Variants in SSH2 observed in about 807,000 individuals in gnomAD.
SSH2 encodes slingshot protein phosphatase 2, also known as protein phosphatase Slingshot homolog 2.
Under a neutral mutation model 135.2 loss-of-function variants are expected in SSH2, and 37 were observed. That is an observed-to-expected ratio of 0.27 (90% CI 0.21 to 0.36). The LOEUF (loss-of-function observed/expected upper bound fraction) is 0.36, where lower values mean the gene tolerates loss of function less well. Among genes scored for constraint, SSH2 ranks in the 10% least tolerant of loss-of-function variants. The pLI is 1.00. For missense variants in SSH2, 1,408 were observed against 1,765.3 expected (o/e 0.80, Z 3.63); for synonymous variants, 628 against 646.2 (o/e 0.97, Z 0.43).
intron 1 of SSH2, among the ~76,000 whole-genome samples, chr17:29,896,755 T>C (rs913723261): frequency 2.0e-5 from 3 of 151,686 alleles, no homozygotes; most frequent in Admixed American, 6.6e-5. Flanking sequence ...TCTCAACCTA[T>C]TTAATATTAC....
At chr17:29,698,033 A>G (rs2038830671) in intron 4 of SSH2, among the ~76,000 whole-genome samples, 1 of 152,254 alleles carries the variant, frequency 6.6e-6, no homozygotes, top group Non-Finnish European at 1.5e-5. Flanking sequence ...ATGTACTGAT[A>G]CATACTATAC....
In SSH2 at chr17:29,855,949, A is replaced by C. The variant is rs2065655072; in HGVS notation, c.64-7020T>G. ...GACAAATGATTGGGAAATAGAAAGGAAGTGGCTACTGCTTGCACTATTTGT... is the reference window on the plus strand; with the variant it reads ...GACAAATGATTGGGAAATAGAAAGGCAGTGGCTACTGCTTGCACTATTTGT... On this transcript the variant is annotated intron_variant, in intron 1 of 15. Transcript: ENST00000540801. 5 of 282,662 alleles carry C rather than the reference A, an allele frequency of 1.8e-5. No individual in the cohort carries two copies. In the South Asian group the frequency reaches 1.8e-4, roughly 10 times the overall value. The allele number at this position is 282,662 out of a possible 1,614,324, so 17.5% of individuals were successfully genotyped here.
chr17:29,782,747 G>A (rs2041867375), intron 3 of SSH2, among the ~76,000 whole-genome samples: 1 of 152,174 alleles, frequency 6.6e-6, no homozygotes, highest in Non-Finnish European at 1.5e-5. Flanking sequence ...CACCACGCCT[G>A]GCTAATTTTT....
At chr17:29,842,452 TCA>T (rs2043059195) in intron 2 of SSH2, among the ~76,000 whole-genome samples, 1 of 100,448 alleles carries the variant, frequency 1.0e-5, no homozygotes, top group African/African-American at 3.4e-5. Context: ...AGACTCAGTG[TCA>T]AAAAAAAAAA....
chr17:29,750,650 G>A (rs1201924057), intron 3 of SSH2, among the ~76,000 whole-genome samples: 1 of 151,538 alleles, frequency 6.6e-6, no homozygotes, highest in Non-Finnish European at 1.5e-5. Context: ...AGCCCCCAGA[G>A]TAGCTGGGAT....
At chr17:29,702,190 T>C (rs2039010448) in intron 4 of SSH2, among the ~76,000 whole-genome samples, 1 of 151,976 alleles carries the variant, frequency 6.6e-6, no homozygotes, top group Admixed American at 6.6e-5. Context: ...CCATCTCTAC[T>C]AAAAACACAA....
intron 10 of SSH2, 52 bp from the exon 11 acceptor site, chr17:29,667,047 T>C: frequency 6.2e-7 from 1 of 1,612,554 alleles, no homozygotes; most frequent in Non-Finnish European, 8.5e-7. Context: ...CTCTGTACTT[T>C]CAACCATGCA....
chr17:29,757,072 T>C (rs1187021963), intron 3 of SSH2, among the ~76,000 whole-genome samples: 3 of 152,300 alleles, frequency 2.0e-5, no homozygotes, highest in Non-Finnish European at 2.9e-5. Flanking sequence ...AGTGTACTCA[T>C]GTATCAAGGT....
chr17:29,882,744 T>A (rs1191380320), intron 1 of SSH2, among the ~76,000 whole-genome samples: 1 of 151,948 alleles, frequency 6.6e-6, no homozygotes, highest in African/African-American at 2.4e-5. Context: ...AGAGCAAAAC[T>A]CCATCTCAAA....
intron 1 of SSH2, among the ~76,000 whole-genome samples, chr17:29,909,066 G>C (rs2066716100): frequency 6.6e-6 from 1 of 151,836 alleles, no homozygotes; most frequent in Admixed American, 6.6e-5. Flanking sequence ...GACAGAGCAA[G>C]ACTCCGTCTC....
intron 1 of SSH2, among the ~76,000 whole-genome samples, chr17:29,893,314 T>C (rs994918711): frequency 3.3e-5 from 5 of 151,482 alleles, no homozygotes; most frequent in African/African-American, 9.7e-5. Flanking sequence ...TGGGGGAGAA[T>C]TGCTATAGTC....
chr17:29,868,722 A>C (rs2065894540), intron 1 of SSH2, among the ~76,000 whole-genome samples: 1 of 146,174 alleles, frequency 6.8e-6, no homozygotes, highest in East Asian at 2.0e-4. Context: ...TGGTCGACAG[A>C]GCAAGACTCC....
At chr17:29,886,138 T>C (rs996024847) in intron 1 of SSH2, among the ~76,000 whole-genome samples, 4 of 152,022 alleles carry the variant, frequency 2.6e-5, no homozygotes, top group Admixed American at 2.0e-4. Context: ...TGGAACTTCC[T>C]AGAAACTTGG....
In SSH2 at chr17:29,913,347, A is replaced by AAAAAAAATTATATATATAT; in HGVS notation, c.63+16590_63+16591insATATATATATAATTTTTTT. Among the ~76,000 whole-genome samples the AAAAAAAATTATATATATAT allele has an allele frequency of 2.8e-4, 8 of 28,782 alleles. 1 individual carries two copies. Among genetic ancestry groups the AAAAAAAATTATATATATAT allele is most frequent in the Non-Finnish European group, 4.1e-4 (7 of 16,992 alleles). 18.9% of individuals were successfully genotyped at this position (28,782 alleles called of 152,430 possible). On this transcript the variant is annotated intron_variant, in intron 1 of 15. Transcript: ENST00000540801. ...AAAAAAAAAAAAAAAAAAAAAAAAA[A>AAAAAAAATTATATATATAT]ATATATATATATATATATATATATA... is the stretch of plus-strand genomic sequence containing the variant.
chr17:29,927,544 C>G (rs1424218192), intron 1 of SSH2, among the ~76,000 whole-genome samples: 1 of 152,194 alleles, frequency 6.6e-6, no homozygotes, highest in Non-Finnish European at 1.5e-5. Context: ...AATTAAATCT[C>G]TTCTTTCATG....
intron 3 of SSH2, among the ~76,000 whole-genome samples, chr17:29,783,336 A>ATATG (rs1445027948): frequency 6.8e-6 from 1 of 146,548 alleles, no homozygotes; most frequent in East Asian, 1.9e-4. Flanking sequence ...ATATATATAT[A>ATATG]TGTAAAGGAG....
intron 3 of SSH2, among the ~76,000 whole-genome samples, chr17:29,709,346 T>C (rs2039351910): frequency 2.0e-5 from 3 of 152,150 alleles, no homozygotes; most frequent in African/African-American, 7.2e-5. Flanking sequence ...ATACAATGTC[T>C]TACCTACACA....
Position 29,848,837 on chromosome 17 carries a change from A to G in SSH2, c.144+12T>C. 2 of 1,500,992 alleles carry G rather than the reference A, an allele frequency of 1.3e-6. No individual in the cohort carries two copies. 93.0% of individuals were successfully genotyped at this position (1,500,992 alleles called of 1,614,324 possible). A position where few individuals can be genotyped will look rare whatever the true frequency, so the allele number is the denominator to read the frequency against. On this transcript the variant is annotated intron_variant, in intron 2 of 15. Coordinates refer to ENST00000540801, the MANE Select transcript of SSH2 (RefSeq NM_001282129.2). ...ATCACCAAAGTCTGTATAAAAACAT[A>G]TACCTACGTACATTGGAATCAGTAA... is the stretch of plus-strand genomic sequence containing the variant.
At chr17:29,678,599 A>G (rs1410331617) in intron 6 of SSH2, among the ~76,000 whole-genome samples, 1 of 152,216 alleles carries the variant, frequency 6.6e-6, no homozygotes, top group Non-Finnish European at 1.5e-5. Flanking sequence ...ACTTAAATCA[A>G]TGAAACACTG....
Sources: allele counts gnomAD v4.1 joint callset (sites outside exome capture counted in the v4.1 genomes callset), GRCh38; gene constraint gnomAD v4.1.1; transcripts MANE v1.5; gene names NCBI Gene and HGNC (gene_info 2026-07-23, HGNC 2026-07-21).